The following KIAA0930 variants were observed in gnomAD, a reference collection of about 807,000 sequenced individuals.
The protein encoded by KIAA0930 is uncharacterized protein KIAA0930.
In KIAA0930, 24 loss-of-function variants were observed where a neutral mutation model predicts 43.9. That is an observed-to-expected ratio of 0.55 (90% CI 0.40 to 0.77). The LOEUF is 0.77. Ranked by LOEUF, KIAA0930 falls within the 30% of genes least tolerant of loss-of-function variation. KIAA0930 has a pLI of 0.00. For missense variants in KIAA0930, 461 were observed against 574.2 expected (o/e 0.80, Z 2.02); for synonymous variants, 259 against 216.4 (o/e 1.20, Z -1.73).
In KIAA0930 at chr22:45,240,786, C is replaced by CGGA. The variant is rs1172293451; in HGVS notation, c.-84_-83insTCC. The CGGA allele has an allele frequency of 1.4e-5, 2 of 146,836 alleles. 1 individual carries two copies. The highest frequency in any genetic ancestry group is 3.0e-5 in the Non-Finnish European group (2 of 65,738). The allele number at this position is 146,836 out of a possible 1,614,324, so 9.1% of individuals were successfully genotyped here. ...GGCGGGGAGGGCGGGCGGCCCGGCCCGCAGCCCGCCGCGAGCACCAAGGAA... is the reference window on the plus strand; with the variant it reads ...GGCGGGGAGGGCGGGCGGCCCGGCCCGGAGCAGCCCGCCGCGAGCACCAAGGAA... On this transcript the variant is annotated 5_prime_UTR_variant, in exon 1 of 10. Coordinates refer to ENST00000336156, the MANE Select transcript of KIAA0930 (RefSeq NM_001009880.2).
In KIAA0930 at chr22:45,205,835, G is replaced by C; in HGVS notation, c.294C>G (p.Ile98Met). 1 of 1,522,416 alleles carries C rather than the reference G, an allele frequency of 6.6e-7. No homozygotes were observed. Among genetic ancestry groups the C allele is most frequent in the Non-Finnish European group, 8.9e-7 (1 of 1,128,318 alleles). The allele number at this position is 1,522,416 out of a possible 1,614,324, so 94.3% of individuals were successfully genotyped here. The change falls in exon 3 of 10, where the codon ATC (isoleucine) becomes ATG (methionine). Residue 98 changes from isoleucine (I) to methionine (M), a missense_variant. Physicochemically the swap from Ile to Met is conservative, Grantham distance 10. Transcript: ENST00000336156. ...KKLPGLGDPD[I>M]DWEESVCLNL... ...TCAGGCAGACGCTCTCCTCCCAGTC[G>C]ATGTCAGGGTCTCCCAGGCCTGGCA... is the stretch of plus-strand genomic sequence containing the variant.
At chr22:45,230,578 TTC>T (rs2083846480) in intron 1 of KIAA0930, among the ~76,000 whole-genome samples, 2 of 139,734 alleles carry the variant, frequency 1.4e-5, no homozygotes, top group Non-Finnish European at 1.5e-5. Flanking sequence ...CCAGATCACA[TTC>T]TTTTTTTTTT....
chr22:45,213,278 T>A (rs1043958020), intron 1 of KIAA0930: 14 of 1,288,236 alleles, frequency 1.1e-5, no homozygotes, highest in East Asian at 5.7e-5. Flanking sequence ...CTCAGCCCTC[T>A]GCCCTCTGCC....
At chr22:45,228,733 TCCACCCCCCTACCACCAC>T (rs2083820265) in intron 1 of KIAA0930, among the ~76,000 whole-genome samples, 1 of 24,764 alleles carries the variant, frequency 4.0e-5, no homozygotes, top group African/African-American at 2.2e-4. Flanking sequence ...AAGATCCCTC[TCCACCCCCCTACCACCAC>T]TCACCCGAAA....
At chr22:45,233,864 C>T (rs1261025769) in intron 1 of KIAA0930, among the ~76,000 whole-genome samples, 2 of 152,218 alleles carry the variant, frequency 1.3e-5, no homozygotes, top group East Asian at 3.9e-4. Context: ...TTTACAAGTC[C>T]CGCTTGGCCC....
chr22:45,229,465 G>C (rs1322509248), intron 1 of KIAA0930, among the ~76,000 whole-genome samples: 2 of 151,792 alleles, frequency 1.3e-5, no homozygotes, highest in Non-Finnish European at 1.5e-5. Flanking sequence ...CAGAGCCGTG[G>C]AGGGGAGCTC....
Position 45,199,899 on chromosome 22 carries a change from T to C in KIAA0930, c.989A>G (p.Glu330Gly). ...TCCACCGTCGTCCTCCCGGAAGAAC[T>C]CCTCGCTGTCGTTGGCCGAGTGCGA... Reference protein sequence around the residue: ...KKSHSANDSEEFFREDDGGAD... With the variant: ...KKSHSANDSEGFFREDDGGAD... Residue 330 changes from glutamate (E) to glycine (G), a missense_variant, in exon 8 of 10, where the codon GAG becomes GGG. By Grantham distance (98) the Glu-to-Gly change is moderately conservative. Transcript: ENST00000336156. 1 of 1,594,494 alleles carries C rather than the reference T, an allele frequency of 6.3e-7. No homozygotes were observed. The highest frequency in any genetic ancestry group is 8.6e-7 in the Non-Finnish European group (1 of 1,166,700).
chr22:45,216,146 G>T (rs867855062), intron 1 of KIAA0930, among the ~76,000 whole-genome samples: 3 of 152,200 alleles, frequency 2.0e-5, no homozygotes, highest in African/African-American at 7.2e-5. Context: ...AGGAAAGGTC[G>T]GGACTGGAGG....
chr22:45,197,724 C>A, intron 9 of KIAA0930, 66 bp downstream of exon 9: 2 of 1,572,620 alleles, frequency 1.3e-6, no homozygotes, highest in Non-Finnish European at 1.7e-6. Flanking sequence ...TCACAAGTAC[C>A]AAGGCCCTGG....
At chr22:45,213,410 G>GT in intron 1 of KIAA0930, 1 of 1,300,140 alleles carries the variant, frequency 7.7e-7, no homozygotes, top group Non-Finnish European at 1.0e-6. Flanking sequence ...GTCTGGGTCA[G>GT]CGAGCCTTGT....
chr22:45,222,359 A>C (rs1033791732), intron 1 of KIAA0930, among the ~76,000 whole-genome samples: 1 of 152,210 alleles, frequency 6.6e-6, no homozygotes, highest in Non-Finnish European at 1.5e-5. Flanking sequence ...TCTGTCACCT[A>C]GGCTGGAGTC....
intron 1 of KIAA0930, among the ~76,000 whole-genome samples, chr22:45,219,804 T>C (rs2083756774): frequency 6.6e-6 from 1 of 152,040 alleles, no homozygotes; most frequent in African/African-American, 2.4e-5. Context: ...TTGCCCAGGC[T>C]GGTCTTGAGT....
intron 8 of KIAA0930, among the ~76,000 whole-genome samples, chr22:45,199,219 C>A (rs1273986375): frequency 6.6e-6 from 1 of 152,170 alleles, no homozygotes; most frequent in East Asian, 1.9e-4. Flanking sequence ...GGGAACAACT[C>A]CTGTATTCTG....
chr22:45,217,133 G>T (rs2083737864), intron 1 of KIAA0930, among the ~76,000 whole-genome samples: 1 of 152,126 alleles, frequency 6.6e-6, no homozygotes, highest in South Asian at 2.1e-4. Flanking sequence ...CGCTAAGGCA[G>T]GTAGAATACT....
chr22:45,227,837 T>TGGGGCGGATCCA (rs936799096), intron 1 of KIAA0930, among the ~76,000 whole-genome samples: 22 of 152,302 alleles, frequency 1.4e-4, no homozygotes, highest in African/African-American at 5.1e-4. Context: ...CAGCTCCGGC[T>TGGGGCGGATCCA]GGGGCGGATC....
intron 4 of KIAA0930, 100 bp downstream of exon 4, chr22:45,205,530 C>A (rs1419477542): frequency 1.7e-6 from 2 of 1,188,766 alleles, no homozygotes; most frequent in East Asian, 2.4e-5. Flanking sequence ...AGACCCCTCA[C>A]CTCCAGGGCA....
At chr22:45,225,192 T>C (rs1367090569) in intron 1 of KIAA0930, among the ~76,000 whole-genome samples, 1 of 151,982 alleles carries the variant, frequency 6.6e-6, no homozygotes, top group Non-Finnish European at 1.5e-5. Context: ...CAATAGGCCT[T>C]TCATCCACTC....
At chr22:45,225,678 T>A (rs1456892872) in intron 1 of KIAA0930, among the ~76,000 whole-genome samples, 1 of 151,944 alleles carries the variant, frequency 6.6e-6, no homozygotes, top group Admixed American at 6.6e-5. Context: ...AGGGGCCACC[T>A]CCACCTTTGC....
intron 1 of KIAA0930, among the ~76,000 whole-genome samples, chr22:45,228,440 T>C (rs1012909863): frequency 6.6e-6 from 1 of 152,150 alleles, no homozygotes; most frequent in Non-Finnish European, 1.5e-5. Context: ...CATGACACGC[T>C]CTGAGGCTCT....
Sources: gnomAD v4.1 joint callset for allele counts (sites outside exome capture counted in the v4.1 genomes callset) on GRCh38, gnomAD v4.1.1 for gene constraint, MANE v1.5 for transcripts, NCBI Gene and HGNC (gene_info 2026-07-23, HGNC 2026-07-21) for gene names.